MPP4: variants seen among roughly 807,000 people sequenced by gnomAD.
MPP4 encodes the protein MAGUK p55 subfamily member 4.
MPP4 carries 91 observed loss-of-function variants against 98.3 expected under a neutral mutation model. That is an observed-to-expected ratio of 0.93 (90% CI 0.78 to 1.10). The LOEUF is 1.10. Ranked by LOEUF, MPP4 falls within the 50% of genes least tolerant of loss-of-function variation. The pLI is 0.00. For synonymous variants in MPP4, 261 were observed against 271.8 expected, an observed-to-expected ratio of 0.96 and a Z score of 0.39; for missense variants, 744 against 792.9, an observed-to-expected ratio of 0.94 and a Z score of 0.74.
chr2:201,675,339 C>A (rs1688480578), intron 10 of MPP4, 68 bp from the exon 11 acceptor site: 1 of 1,462,870 alleles, frequency 6.8e-7, no homozygotes, highest in Non-Finnish European at 9.4e-7. Flanking sequence ...CTAGATGAAA[C>A]AGACCCAGAG....
At chr2:201,647,920 A>G (rs1186789002) in intron 20 of MPP4, 95 bp from the exon 21 acceptor site, 3 of 1,241,780 alleles carry the variant, frequency 2.4e-6, no homozygotes, top group Non-Finnish European at 3.4e-6. Flanking sequence ...CTGTGGTGCA[A>G]TCACAGTTCA....
At chr2:201,687,244 T>C (rs1265723391) in intron 5 of MPP4, 47 bp downstream of exon 5, 5 of 1,453,938 alleles carry the variant, frequency 3.4e-6, no homozygotes, top group Admixed American at 2.0e-5. Flanking sequence ...CCCAACTTTG[T>C]CTATGTGCCA....
chr2:201,654,505 G>C (rs1233214541), intron 18 of MPP4, among the ~76,000 whole-genome samples: 1 of 152,064 alleles, frequency 6.6e-6, no homozygotes, highest in Non-Finnish European at 1.5e-5. Flanking sequence ...AGCATTAGGA[G>C]ATATACCTAA....
rs1421932687 is a variant in MPP4, at chr2:201,675,354, G to A, written c.930-83C>T. 117 of 1,321,788 alleles carry A rather than the reference G, an allele frequency of 8.9e-5. 1 individual carries two copies. The highest frequency in any genetic ancestry group is 1.1e-4 in the Non-Finnish European group (106 of 942,936). The allele number at this position is 1,321,788 out of a possible 1,614,324, so 81.9% of individuals were successfully genotyped here. A position where few individuals can be genotyped will look rare whatever the true frequency, so the allele number is the denominator to read the frequency against. ...CTAGATGAAACAGACCCAGAGCAACGACAAACAGAATGTTTCTTAGAATTC... is the reference window on the plus strand; with the variant it reads ...CTAGATGAAACAGACCCAGAGCAACAACAAACAGAATGTTTCTTAGAATTC... On this transcript the variant is annotated intron_variant, in intron 10 of 21. Transcript: ENST00000409474.
chr2:201,680,819 G>T lies in MPP4; in HGVS notation c.929+19C>A, dbSNP rs771225594. On this transcript the variant is annotated intron_variant, in intron 10 of 21. Transcript: ENST00000409474. ...CCTGATGGTTCAGCCCTGAGTCCAG[G>T]AGTGGTGACGTTCCTTACCTCTTCA... The T allele has an allele frequency of 2.3e-5, 37 of 1,598,388 alleles. No individual in the cohort carries two copies. The highest frequency in any genetic ancestry group is 3.0e-5 in the Non-Finnish European group (35 of 1,168,978).
chr2:201,650,512 A>G (rs1272514776), intron 18 of MPP4: 1 of 985,282 alleles, frequency 1.0e-6, no homozygotes, highest in Non-Finnish European at 1.2e-6. Context: ...CAATACCAAT[A>G]ATATCTTACA....
At position 201,654,825 on chromosome 2, in the gene MPP4, A is replaced by G. The variant is rs1687809998; in HGVS notation, c.1381+12T>C. Reference sequence around the variant, plus strand: ...AAAACACAAACCATTATGAAAGCAGAACTAAACATACGTGGCACAGCACTT... The same window carrying G: ...AAAACACAAACCATTATGAAAGCAGGACTAAACATACGTGGCACAGCACTT... On this transcript the variant is annotated intron_variant, in intron 18 of 21. Coordinates refer to ENST00000409474, the MANE Select transcript of MPP4 (RefSeq NM_033066.3). The G allele has an allele frequency of 6.3e-7, 1 of 1,586,790 alleles. No homozygotes were observed. The highest frequency in any genetic ancestry group is 1.3e-5 in the African/African-American group (1 of 74,472).
intron 14 of MPP4, among the ~76,000 whole-genome samples, 152 bp from the exon 15 acceptor site, chr2:201,660,498 G>A (rs1196348241): frequency 6.6e-6 from 1 of 152,154 alleles, no homozygotes; most frequent in African/African-American, 2.4e-5. Context: ...CAAGGCAAAT[G>A]ATCACCACAT....
chr2:201,647,838 T>G lies in MPP4; in HGVS notation c.1585-13A>C. 4 of 1,597,114 alleles carry G rather than the reference T, an allele frequency of 2.5e-6. No homozygotes were observed. Among genetic ancestry groups the G allele is most frequent in the Non-Finnish European group, 3.4e-6 (4 of 1,169,586 alleles). On this transcript the variant is annotated splice_polypyrimidine_tract_variant and intron_variant, in intron 20 of 21. Transcript: ENST00000409474. ...CCCCTTGAATATCCTACACAGAAAATTTAAATGCACATTTATTTTTTGTTT... is the reference window on the plus strand; with the variant it reads ...CCCCTTGAATATCCTACACAGAAAAGTTAAATGCACATTTATTTTTTGTTT...
At chr2:201,666,651 G>A (rs1412566102) in intron 12 of MPP4, 1 of 219,440 alleles carries the variant, frequency 4.6e-6, no homozygotes, top group Non-Finnish European at 8.9e-6. Context: ...TTGAACCCGG[G>A]AGGCAGAGGT....
chr2:201,698,120 A>T, intron 1 of MPP4: 1 of 983,072 alleles, frequency 1.0e-6, no homozygotes, highest in Non-Finnish European at 1.2e-6. Context: ...CTGATGCCTA[A>T]GGAATTTGTC....
At chr2:201,680,367 G>A (rs556316299) in intron 10 of MPP4, 131 of 154,330 alleles carry the variant, frequency 8.5e-4, no homozygotes, top group African/African-American at 2.5e-3. Flanking sequence ...GGGCCACTCC[G>A]TGACTCATAA....
chr2:201,681,155 ATCTTTCC>A, intron 9 of MPP4, 121 bp from the exon 10 acceptor site: 2 of 998,928 alleles, frequency 2.0e-6, no homozygotes, highest in Admixed American at 5.1e-5. Flanking sequence ...TGCTACTCCT[ATCTTTCC>A]TCTCCACCCT....
intron 18 of MPP4, among the ~76,000 whole-genome samples, chr2:201,652,963 T>C (rs907361015): frequency 2.0e-5 from 3 of 152,214 alleles, no homozygotes; most frequent in Admixed American, 2.0e-4. Flanking sequence ...TTGGGTTATT[T>C]TGCAAACCCT....
intron 3 of MPP4, among the ~76,000 whole-genome samples, chr2:201,692,298 C>T (rs889867587): frequency 7.2e-5 from 11 of 152,110 alleles, no homozygotes; most frequent in Admixed American, 4.6e-4. Context: ...AATCCCAGCA[C>T]TTTGGGAAGC....
chr2:201,691,602 C>T (rs1026617859), intron 3 of MPP4, among the ~76,000 whole-genome samples: 11 of 152,234 alleles, frequency 7.2e-5, no homozygotes, highest in African/African-American at 2.7e-4. Context: ...ACTACAACCT[C>T]TGCCTCCCAG....
chr2:201,651,901 C>T (rs1158048266), intron 18 of MPP4: 5 of 531,866 alleles, frequency 9.4e-6, no homozygotes, highest in South Asian at 8.1e-5. Context: ...TGTAGTGAGC[C>T]GAGATAACAC....
chr2:201,678,683 A>G (rs530309553), intron 10 of MPP4, among the ~76,000 whole-genome samples: 1 of 152,240 alleles, frequency 6.6e-6, no homozygotes, highest in South Asian at 2.1e-4. Context: ...ACATGGCTCC[A>G]GCACATCCTT....
chr2:201,662,537 A>G (rs1000675716), intron 14 of MPP4, among the ~76,000 whole-genome samples: 5 of 150,432 alleles, frequency 3.3e-5, no homozygotes, highest in African/African-American at 9.7e-5. Flanking sequence ...ATATCAAAAT[A>G]TAAATCCTTG....
Sources: allele counts gnomAD v4.1 joint callset (sites outside exome capture counted in the v4.1 genomes callset), GRCh38; gene constraint gnomAD v4.1.1; transcripts MANE v1.5; gene names NCBI Gene and HGNC (gene_info 2026-07-23, HGNC 2026-07-21).